PITPNB: variants seen among roughly 807,000 people sequenced by gnomAD.
PITPNB encodes the protein phosphatidylinositol transfer protein beta.
Under a neutral mutation model 45.9 loss-of-function variants are expected in PITPNB, and 16 were observed. The ratio of observed to expected loss-of-function variants is 0.35; its 90% CI spans 0.24 to 0.53. The LOEUF (loss-of-function observed/expected upper bound fraction) is 0.53. Ranked by LOEUF, PITPNB falls within the 20% of genes least tolerant of loss-of-function variation. The probability of loss-of-function intolerance (pLI) is 0.93; values close to 1 mark genes in which losing one functional copy is unlikely to be tolerated. For missense variants in PITPNB, 188 were observed against 330.5 expected (o/e 0.57, Z 3.34); for synonymous variants, 112 against 108.9 (o/e 1.03, Z -0.18).
intron 3 of PITPNB, among the ~76,000 whole-genome samples, chr22:27,909,615 GA>G (rs1194905191): frequency 1.3e-5 from 2 of 151,958 alleles, no homozygotes; most frequent in Middle Eastern, 3.2e-3. Context: ...AAATTAAAAA[GA>G]AAAATATGGA....
intron 8 of PITPNB, among the ~76,000 whole-genome samples, chr22:27,864,494 A>T (rs112218331): frequency 3.3e-5 from 5 of 152,330 alleles, no homozygotes; most frequent in African/African-American, 1.2e-4. Flanking sequence ...ATATCCTATT[A>T]ATCAAGTAAA....
intron 8 of PITPNB, 181 bp from the exon 9 acceptor site, chr22:27,860,422 A>C (rs1934291658): frequency 1.9e-6 from 1 of 513,738 alleles, no homozygotes. Flanking sequence ...CCCCTGCTGT[A>C]AACCCTCCTT....
chr22:27,882,937 A>G (rs1935016178), intron 7 of PITPNB, among the ~76,000 whole-genome samples: 1 of 152,262 alleles, frequency 6.6e-6, no homozygotes, highest in Non-Finnish European at 1.5e-5. Flanking sequence ...AGTAAGTTCC[A>G]ATAAATGTTT....
intron 7 of PITPNB, among the ~76,000 whole-genome samples, chr22:27,893,659 G>A (rs1008090721): frequency 6.9e-6 from 1 of 144,750 alleles, no homozygotes; most frequent in Admixed American, 7.4e-5. Context: ...GTACGATCAC[G>A]GCTCACTGCA....
chr22:27,876,494 AG>A (rs1934823470), intron 7 of PITPNB, among the ~76,000 whole-genome samples: 1 of 152,234 alleles, frequency 6.6e-6, no homozygotes, highest in Non-Finnish European at 1.5e-5. Flanking sequence ...GTCAAGACCC[AG>A]GAATTTCTGT....
At chr22:27,857,004 T>C (rs1309409074) in intron 10 of PITPNB, among the ~76,000 whole-genome samples, 1 of 152,182 alleles carries the variant, frequency 6.6e-6, no homozygotes, top group Non-Finnish European at 1.5e-5. Context: ...GTGCCCATGA[T>C]CTGCTCTTGC....
chr22:27,886,729 C>T (rs1180083066), intron 7 of PITPNB, among the ~76,000 whole-genome samples: 1 of 152,182 alleles, frequency 6.6e-6, no homozygotes, highest in African/African-American at 2.4e-5. Flanking sequence ...TGACAGAAAG[C>T]CCCCACCAGG....
intron 10 of PITPNB, among the ~76,000 whole-genome samples, chr22:27,856,406 A>G (rs1934173853): frequency 6.6e-6 from 1 of 152,256 alleles, no homozygotes; most frequent in African/African-American, 2.4e-5. Context: ...AAGAGTCACC[A>G]GCTCCACAGC....
At chr22:27,890,529 A>G (rs937060250) in intron 7 of PITPNB, among the ~76,000 whole-genome samples, 3 of 152,162 alleles carry the variant, frequency 2.0e-5, no homozygotes, top group African/African-American at 7.2e-5. Flanking sequence ...AGATGAACGT[A>G]TGAAGCTGGG....
intron 6 of PITPNB, 135 bp from the exon 7 acceptor site, chr22:27,894,773 T>C: frequency 2.0e-6 from 1 of 490,928 alleles, no homozygotes; most frequent in South Asian, 4.1e-5. Flanking sequence ...TTTCATTATA[T>C]TAGCTGTCTG....
chr22:27,918,834 G>C (rs1375989847), intron 1 of PITPNB, among the ~76,000 whole-genome samples: 2 of 152,166 alleles, frequency 1.3e-5, no homozygotes, highest in Non-Finnish European at 2.9e-5. Context: ...GGCGGGCCTG[G>C]GGGTGGGCCC....
intron 7 of PITPNB, among the ~76,000 whole-genome samples, chr22:27,881,810 G>C (rs1408422932): frequency 6.6e-6 from 1 of 152,148 alleles, no homozygotes; most frequent in Admixed American, 6.5e-5. Flanking sequence ...TTAATTTGGA[G>C]GATATATTAG....
intron 8 of PITPNB, among the ~76,000 whole-genome samples, chr22:27,866,055 T>C (rs370459339): frequency 2.4e-4 from 37 of 152,254 alleles, no homozygotes; most frequent in African/African-American, 6.7e-4. Context: ...TGCTAATAAA[T>C]TGAGTTTTAC....
intron 6 of PITPNB, among the ~76,000 whole-genome samples, chr22:27,895,597 A>C (rs1368497745): frequency 4.2e-5 from 6 of 143,910 alleles, no homozygotes; most frequent in Non-Finnish European, 7.9e-5. Flanking sequence ...CTCAAAAAAA[A>C]AAACAAAAAG....
rs183721074 is a variant in PITPNB at position 27,905,947 on chromosome 22, T to C, written c.197+5017A>G. On this transcript the variant is annotated intron_variant, in intron 3 of 11. Transcript: ENST00000335272. ...ATTCTCTGCCCAGTAAATTCCTTCCTCTTTCACTGCCATCTACTACTAAGT... is the reference window on the plus strand; with the variant it reads ...ATTCTCTGCCCAGTAAATTCCTTCCCCTTTCACTGCCATCTACTACTAAGT... Among the ~76,000 whole-genome samples the C allele has an allele frequency of 2.6e-4, 40 of 152,342 alleles. 1 individual carries two copies. The highest frequency in any genetic ancestry group is 2.5e-3 in the Admixed American group (38 of 15,300).
At chr22:27,857,913 G>A (rs1429243951) in intron 10 of PITPNB, among the ~76,000 whole-genome samples, 16 of 151,976 alleles carry the variant, frequency 1.1e-4, no homozygotes, top group African/African-American at 3.4e-4. Context: ...CCAGTTGGGG[G>A]AAGCAGAGGA....
chr22:27,855,738 G>A lies in PITPNB; in HGVS notation c.769-799C>T, dbSNP rs963854919. ...CAGATCATAGGCAGGGGCATTCCTC[G>A]TGTGCCTAACCTCTCAAGATGCTAG... On this transcript the variant is annotated intron_variant, in intron 10 of 11. Transcript: ENST00000335272. Among the ~76,000 whole-genome samples, 23 of 152,320 alleles carry A rather than the reference G, an allele frequency of 1.5e-4. No homozygotes were observed. The East Asian group carries it at 3.9e-3, about 26-fold the overall frequency.
At chr22:27,902,419 C>A (rs1246649557) in intron 3 of PITPNB, among the ~76,000 whole-genome samples, 1 of 152,096 alleles carries the variant, frequency 6.6e-6, no homozygotes, top group African/African-American at 2.4e-5. Context: ...TGATGGGAAG[C>A]CACTGAAAGC....
At chr22:27,863,540 C>CT (rs1934398563) in intron 8 of PITPNB, among the ~76,000 whole-genome samples, 1 of 152,204 alleles carries the variant, frequency 6.6e-6, no homozygotes, top group African/African-American at 2.4e-5. Flanking sequence ...CTGATGAACT[C>CT]TAAGATACTT....
Sources: gnomAD v4.1 joint callset for allele counts (sites outside exome capture counted in the v4.1 genomes callset) on GRCh38, gnomAD v4.1.1 for gene constraint, MANE v1.5 for transcripts, NCBI Gene and HGNC (gene_info 2026-07-23, HGNC 2026-07-21) for gene names.